Variants in USP7 observed in about 807,000 individuals in gnomAD.
USP7 encodes ubiquitin C-terminal hydrolase 7.
USP7 carries 9 observed loss-of-function variants against 162.9 expected under a neutral mutation model. The ratio of observed to expected loss-of-function variants is 0.06; its 90% CI spans 0.03 to 0.10. The LOEUF (loss-of-function observed/expected upper bound fraction) is 0.10, where lower values mean the gene tolerates loss of function less well. Ranked by LOEUF, USP7 falls within the 10% of genes least tolerant of loss-of-function variation. The probability of loss-of-function intolerance (pLI) is 1.00; values close to 1 mark genes in which losing one functional copy is unlikely to be tolerated. For synonymous variants in USP7, 562 were observed against 475.9 expected (o/e 1.18, Z -2.35); for missense variants, 715 against 1,373.7 (o/e 0.52, Z 7.58).
chr16:8,906,656 C>T, intron 12 of USP7, 74 bp from the exon 13 acceptor site: 2 of 1,442,162 alleles, frequency 1.4e-6, no homozygotes, highest in South Asian at 2.6e-5. Context: ...GTAAGTAAGG[C>T]CATTTAATGT....
intron 8 of USP7, among the ~76,000 whole-genome samples, chr16:8,916,137 G>A (rs1897357091): frequency 6.6e-6 from 1 of 152,198 alleles, no homozygotes; most frequent in Non-Finnish European, 1.5e-5. Context: ...GGAGGGGTCT[G>A]GACACTGGAG....
At chr16:8,914,013 C>T (rs1185966260) in intron 10 of USP7, among the ~76,000 whole-genome samples, 1 of 151,996 alleles carries the variant, frequency 6.6e-6, no homozygotes, top group Non-Finnish European at 1.5e-5. Flanking sequence ...GCTGAAATTA[C>T]AGGCATGAGC....
At chr16:8,923,478 G>A (rs987493945) in intron 2 of USP7, 65 bp from the exon 3 acceptor site, 10 of 1,541,204 alleles carry the variant, frequency 6.5e-6, no homozygotes, top group South Asian at 1.1e-5. Flanking sequence ...AGCATTAATC[G>A]ACATGGAGTA....
intron 2 of USP7, among the ~76,000 whole-genome samples, chr16:8,927,465 G>C (rs923272501): frequency 6.6e-6 from 1 of 152,166 alleles, no homozygotes; most frequent in Non-Finnish European, 1.5e-5. Flanking sequence ...CTTCTTGCAA[G>C]TCCTAGTCAA....
intron 1 of USP7, among the ~76,000 whole-genome samples, chr16:8,936,141 A>G (rs1216463635): frequency 6.6e-6 from 1 of 152,074 alleles, no homozygotes; most frequent in African/African-American, 2.4e-5. Context: ...GTCCATGAAG[A>G]CCCAGCTCGG....
chr16:8,940,291 T>C (rs983514264), intron 1 of USP7, among the ~76,000 whole-genome samples: 8 of 152,184 alleles, frequency 5.3e-5, no homozygotes, highest in Admixed American at 2.6e-4. Context: ...TAACCATGCT[T>C]TGTCCAATGG....
At chr16:8,961,503 A>AGGGG (rs1567252630) in intron 1 of USP7, among the ~76,000 whole-genome samples, 11 of 58,524 alleles carry the variant, frequency 1.9e-4, no homozygotes, top group East Asian at 7.7e-4. Flanking sequence ...AAAAAAAAAA[A>AGGGG]AGGGGGGGGG....
At chr16:8,906,153 C>CA (rs1471467119) in intron 13 of USP7, among the ~76,000 whole-genome samples, 3 of 152,246 alleles carry the variant, frequency 2.0e-5, no homozygotes, top group African/African-American at 7.2e-5. Flanking sequence ...CACGAGCATT[C>CA]AGAAGAAAAT....
intron 25 of USP7, 90 bp downstream of exon 25, chr16:8,898,270 T>C (rs2061720328): frequency 1.8e-6 from 2 of 1,089,932 alleles, no homozygotes; most frequent in South Asian, 1.4e-5. Flanking sequence ...TGTTTTTCTG[T>C]GGTGTCTTAG....
At chr16:8,938,604 C>A (rs1187731913) in intron 1 of USP7, among the ~76,000 whole-genome samples, 1 of 151,868 alleles carries the variant, frequency 6.6e-6, no homozygotes, top group East Asian at 1.9e-4. Context: ...CCCAGCTACT[C>A]CGGAGGCTGA....
intron 2 of USP7, among the ~76,000 whole-genome samples, chr16:8,927,707 T>C (rs1972295): frequency 1.3e-5 from 2 of 151,918 alleles, no homozygotes; most frequent in Admixed American, 6.5e-5. Context: ...GTGGTGGCAT[T>C]TGCCTGTAAT....
chr16:8,920,853 T>A (rs1452174552), intron 4 of USP7, among the ~76,000 whole-genome samples: 1 of 152,240 alleles, frequency 6.6e-6, no homozygotes, highest in Non-Finnish European at 1.5e-5. Flanking sequence ...TGGAGTCACA[T>A]GGAACCACTC....
intron 7 of USP7, 111 bp downstream of exon 7, chr16:8,916,915 A>G (rs1897399935): frequency 7.9e-7 from 1 of 1,273,394 alleles, no homozygotes; most frequent in Non-Finnish European, 1.0e-6. Flanking sequence ...GCCTCCCTAA[A>G]TTAAGTGCCT....
At chr16:8,922,556 T>A (rs1897755651) in intron 3 of USP7, among the ~76,000 whole-genome samples, 1 of 152,144 alleles carries the variant, frequency 6.6e-6, no homozygotes, top group South Asian at 2.1e-4. Flanking sequence ...TACTGAGGGT[T>A]CCAAAGGGCC....
At position 8,899,031 on chromosome 16, in the gene USP7, G is replaced by C. The variant is rs1284717533; in HGVS notation, c.2531+90C>G. 2.9e-6 allele frequency: 4 copies of C among 1,360,552 alleles called. No individual in the cohort carries two copies. The African/African-American group carries it at 5.8e-5, about 20-fold the overall frequency. The allele number at this position is 1,360,552 out of a possible 1,614,324, so 84.3% of individuals were successfully genotyped here. ...AATGGACTGTCAGGTGAAATGGCGA[G>C]CTAATTATTAAAATTAGTTCCAAGA... On this transcript the variant is annotated intron_variant, in intron 23 of 30. Coordinates refer to ENST00000344836, the MANE Select transcript of USP7 (RefSeq NM_003470.3).
intron 1 of USP7, among the ~76,000 whole-genome samples, chr16:8,945,233 A>T (rs945273039): frequency 6.6e-6 from 1 of 152,086 alleles, no homozygotes. Flanking sequence ...TTCAAAAAAA[A>T]AATAGCCAGG....
intron 16 of USP7, 104 bp downstream of exon 16, chr16:8,903,164 G>C: frequency 1.4e-6 from 2 of 1,453,768 alleles, no homozygotes; most frequent in East Asian, 4.7e-5. Flanking sequence ...GCAGTGGCTG[G>C]ACACAGCACC....
chr16:8,944,470 T>C (rs1596407750), intron 1 of USP7, among the ~76,000 whole-genome samples: 1 of 152,176 alleles, frequency 6.6e-6, no homozygotes. Flanking sequence ...ACAAGCCAGT[T>C]TGGGGACTGG....
At position 8,902,362 on chromosome 16, in the gene USP7, C is replaced by A. The variant is rs770417325; in HGVS notation, c.1941+19G>T. ...CTTCTGCACGGTTCCAAACCAGATACGCTATTAACAATATTTACTGTTTTA... is the reference window on the plus strand; with the variant it reads ...CTTCTGCACGGTTCCAAACCAGATAAGCTATTAACAATATTTACTGTTTTA... On this transcript the variant is annotated intron_variant, in intron 17 of 30. Transcript: ENST00000344836. 1.2e-6 allele frequency: 2 copies of A among 1,611,858 alleles called. No homozygotes were observed. The highest frequency in any genetic ancestry group is 1.7e-6 in the Non-Finnish European group (2 of 1,178,508).
Sources: gnomAD v4.1 joint callset for allele counts (sites outside exome capture counted in the v4.1 genomes callset) on GRCh38, gnomAD v4.1.1 for gene constraint, MANE v1.5 for transcripts, NCBI Gene and HGNC (gene_info 2026-07-23, HGNC 2026-07-21) for gene names.